Variants in ABCC4 observed in about 807,000 individuals in gnomAD.
The protein encoded by ABCC4 is ATP binding cassette subfamily C member 4 (PEL blood group), also known as ATP-binding cassette sub-family C member 4.
In ABCC4, 102 loss-of-function variants were observed where a neutral mutation model predicts 168.5. The observed-to-expected ratio is 0.61, with a 90% CI of 0.52 to 0.71. ABCC4 has a LOEUF of 0.71. Among genes scored for constraint, ABCC4 ranks in the 30% least tolerant of loss-of-function variants. The pLI is 0.00. For synonymous variants in ABCC4, 617 were observed against 590.7 expected (o/e 1.04, Z -0.65); for missense variants, 1,402 against 1,605.8 (o/e 0.87, Z 2.17).
intron 29 of ABCC4, among the ~76,000 whole-genome samples, chr13:95,039,442 A>G (rs79365028): frequency 0.032 from 4,873 of 152,270 alleles, 112 homozygotes; most frequent in Middle Eastern, 0.048. Flanking sequence ...TTGAATTTGT[A>G]TCTTCATATC....
chr13:95,285,248 TTAAATAAA>T (rs562678175), intron 1 of ABCC4, among the ~76,000 whole-genome samples: 1 of 127,110 alleles, frequency 7.9e-6, no homozygotes, highest in Non-Finnish European at 1.7e-5. Context: ...ACTCCGTCTC[TTAAATAAA>T]TAAATAAATA....
intron 11 of ABCC4, among the ~76,000 whole-genome samples, chr13:95,183,609 A>T (rs1429923423): frequency 6.6e-6 from 1 of 152,248 alleles, no homozygotes; most frequent in East Asian, 1.9e-4. Context: ...TAATGTGACA[A>T]GTCCAAAGTG....
chr13:95,255,396 C>G (rs1207494851), intron 1 of ABCC4, among the ~76,000 whole-genome samples: 9 of 152,186 alleles, frequency 5.9e-5, no homozygotes, highest in Non-Finnish European at 1.3e-4. Flanking sequence ...TCTCTGTAGT[C>G]CAAAATAGCC....
intron 30 of ABCC4, among the ~76,000 whole-genome samples, chr13:95,024,438 T>G (rs1458591236): frequency 6.6e-6 from 1 of 152,122 alleles, no homozygotes; most frequent in Non-Finnish European, 1.5e-5. Context: ...TAATGTAGGT[T>G]GAAACTAAGT....
intron 11 of ABCC4, among the ~76,000 whole-genome samples, chr13:95,184,389 T>C (rs1442079550): frequency 2.0e-5 from 3 of 152,176 alleles, no homozygotes; most frequent in African/African-American, 7.2e-5. Flanking sequence ...AATCACCTAA[T>C]TGTTAAAATA....
At position 95,178,051 on chromosome 13, in the gene ABCC4, C is replaced by T. The variant is rs868313374; in HGVS notation, c.1586G>A (p.Gly529Glu). The change falls in exon 12 of 31, where the codon GGA (glycine) becomes GAA (glutamate). Residue 529 changes from glycine to glutamate, a missense_variant. By Grantham distance (98) the Gly-to-Glu change is moderately conservative. Around this residue, in one of 3 missense-constraint regions of ABCC4, gnomAD observed 1,007 missense variants for 1,127.3 expected, o/e 0.89. Coordinates refer to ENST00000645237, the MANE Select transcript of ABCC4 (RefSeq NM_005845.5). Reference sequence around the variant, plus strand: ...TCCACTCAGCGTGGTTCCCCGATCTCCTATCACAGTCAGATCACCATCCTC... The same window carrying T: ...TCCACTCAGCGTGGTTCCCCGATCTTCTATCACAGTCAGATCACCATCCTC... The part of the protein sequence containing the change: ...LLEDGDLTVI[G>E]DRGTTLSGGQ... 6.2e-7 allele frequency: 1 copy of T among 1,614,204 alleles called. No homozygotes were observed. The highest frequency in any genetic ancestry group is 1.6e-4 in the Middle Eastern group (1 of 6,062).
intron 4 of ABCC4, among the ~76,000 whole-genome samples, chr13:95,228,132 T>C (rs1286351325): frequency 6.6e-6 from 1 of 152,208 alleles, no homozygotes; most frequent in Non-Finnish European, 1.5e-5. Context: ...CACAACACTG[T>C]ATGGCTCAGT....
At chr13:95,299,987 G>A (rs973804143) in intron 1 of ABCC4, among the ~76,000 whole-genome samples, 2 of 152,008 alleles carry the variant, frequency 1.3e-5, no homozygotes, top group East Asian at 1.9e-4. Context: ...GATTACAGGC[G>A]TGCTCCACCA....
intron 20 of ABCC4, among the ~76,000 whole-genome samples, chr13:95,085,279 G>A (rs1293023239): frequency 6.8e-6 from 1 of 147,954 alleles, no homozygotes. Context: ...TCTCTACTGA[G>A]AAAAAAAAAA....
At chr13:95,158,927 T>C (rs2139534252) in intron 19 of ABCC4, among the ~76,000 whole-genome samples, 1 of 150,938 alleles carries the variant, frequency 6.6e-6, no homozygotes, top group Non-Finnish European at 1.5e-5. Context: ...AAAATAAATT[T>C]TAAAAATTAG....
chr13:95,164,054 A>AAAGAAAGAAAG (rs1555324219), intron 16 of ABCC4, among the ~76,000 whole-genome samples: 5 of 139,032 alleles, frequency 3.6e-5, no homozygotes, highest in African/African-American at 1.4e-4. Flanking sequence ...AAAAAAAAAA[A>AAAGAAAGAAAG]AAAGAAAGAA....
At chr13:95,192,017 A>G (rs1035642381) in intron 9 of ABCC4, among the ~76,000 whole-genome samples, 4 of 152,234 alleles carry the variant, frequency 2.6e-5, no homozygotes, top group Admixed American at 6.5e-5. Context: ...TAAGGCAGGC[A>G]GACTGAGCCC....
intron 19 of ABCC4, among the ~76,000 whole-genome samples, chr13:95,149,751 T>A (rs1002209919): frequency 2.6e-5 from 4 of 152,166 alleles, no homozygotes; most frequent in Admixed American, 6.5e-5. Context: ...TGTTCCAATA[T>A]CATTGTGCGG....
chr13:95,222,610 TGAG>T (rs2039339743), intron 4 of ABCC4, among the ~76,000 whole-genome samples: 1 of 152,154 alleles, frequency 6.6e-6, no homozygotes, highest in South Asian at 2.1e-4. Context: ...GAGCTGGTGC[TGAG>T]GAGGAGTGAG....
chr13:95,176,500 A>AT, intron 13 of ABCC4, among the ~76,000 whole-genome samples: 1 of 152,152 alleles, frequency 6.6e-6, no homozygotes, highest in Non-Finnish European at 1.5e-5. Flanking sequence ...ATCTAAAAAA[A>AT]AAATAATAAT....
chr13:95,206,523 G>T lies in ABCC4; in HGVS notation c.1161+9C>A. 6.2e-7 allele frequency: 1 copy of T among 1,611,060 alleles called. No individual in the cohort carries two copies. Among genetic ancestry groups the T allele is most frequent in the South Asian group, 1.1e-5 (1 of 90,990 alleles). Reference sequence around the variant, plus strand: ...CACCTACAACTTTAAAATGGCATCTGACACCAACCTGGATTCTTCGGATGC... The same window carrying T: ...CACCTACAACTTTAAAATGGCATCTTACACCAACCTGGATTCTTCGGATGC... On this transcript the variant is annotated intron_variant, in intron 8 of 30. Coordinates refer to ENST00000645237, the MANE Select transcript of ABCC4 (RefSeq NM_005845.5).
At chr13:95,158,547 A>G (rs1389136596) in intron 19 of ABCC4, among the ~76,000 whole-genome samples, 4 of 152,142 alleles carry the variant, frequency 2.6e-5, no homozygotes, top group Admixed American at 2.0e-4. Context: ...GGAGAATATC[A>G]GGATGCTGAG....
intron 19 of ABCC4, among the ~76,000 whole-genome samples, chr13:95,158,586 T>C (rs1266664754): frequency 6.6e-6 from 1 of 152,176 alleles, no homozygotes; most frequent in Non-Finnish European, 1.5e-5. Flanking sequence ...GGGGCTCTTC[T>C]AAGAGCTTGC....
chr13:95,175,618 C>A (rs12584917), intron 13 of ABCC4, among the ~76,000 whole-genome samples: 1 of 152,090 alleles, frequency 6.6e-6, no homozygotes, highest in Non-Finnish European at 1.5e-5. Context: ...AACACAGAAC[C>A]TTTAGAGAAG....
Sources: gnomAD v4.1 joint callset for allele counts (sites outside exome capture counted in the v4.1 genomes callset) on GRCh38, gnomAD v4.1.1 for gene constraint, gnomAD v4.1.1 regional missense constraint, MANE v1.5 for transcripts, NCBI Gene and HGNC (gene_info 2026-07-23, HGNC 2026-07-21) for gene names.